The following HOXC5 variants were observed in gnomAD, a reference collection of about 807,000 sequenced individuals.
HOXC5 encodes the protein homeobox protein Hox-C5.
Under a neutral mutation model 20.1 loss-of-function variants are expected in HOXC5, and 19 were observed. The ratio of observed to expected loss-of-function variants is 0.94; its 90% CI spans 0.66 to 1.38. The LOEUF (loss-of-function observed/expected upper bound fraction) is 1.38, where lower values mean the gene tolerates loss of function less well. Among genes scored for constraint, HOXC5 ranks in the 40% most tolerant of loss-of-function variants. The probability of loss-of-function intolerance (pLI) is 0.00; values close to 1 mark genes in which losing one functional copy is unlikely to be tolerated. For synonymous variants in HOXC5, 124 were observed against 117.0 expected (o/e 1.06, Z -0.39); for missense variants, 330 against 300.1 (o/e 1.10, Z -0.74).
chr12:54,033,604 C>T, intron 1 of HOXC5, 28 bp downstream of exon 1: 1 of 1,505,522 alleles, frequency 6.6e-7, no homozygotes, highest in Non-Finnish European at 8.9e-7. Flanking sequence ...ATTTTGCGCT[C>T]TCGGGTCCGC....
chr12:54,029,179 G>A (rs1040935142), upstream of HOXC5, among the ~76,000 whole-genome samples: 1 of 152,210 alleles, frequency 6.6e-6, no homozygotes, highest in African/African-American at 2.4e-5. Flanking sequence ...CAGGGGATGA[G>A]GGGAGGGAGC....
At chr12:54,017,904 C>T in the HOXC5 span, among the ~76,000 whole-genome samples, 1 of 152,158 alleles carries the variant, frequency 6.6e-6, no homozygotes, top group Non-Finnish European at 1.5e-5. Flanking sequence ...CCCTGTCTGG[C>T]AGCCCCCTCC....
At position 54,033,526 on chromosome 12, in the gene HOXC5, C is replaced by CG. The variant is rs1565745577; in HGVS notation, c.406dup (p.Ala136GlyfsTer42). 6.4e-7 allele frequency: 1 copy of CG among 1,561,098 alleles called. No homozygotes were observed. On this transcript the variant is annotated frameshift_variant, in exon 1 of 2. Transcript: ENST00000312492. LOFTEE classifies it high-confidence loss of function. ...CAGCCCGCCGGACTGAGCCAGCCAC[C>CG]GGCCCCGCCACAGATTTACCCGTGG...
At chr12:54,029,006 T>A, upstream of HOXC5, 1 of 1,304,032 alleles carries the variant, frequency 7.7e-7, no homozygotes, top group Non-Finnish European at 1.0e-6. Context: ...GCGGAGAGAG[T>A]TTTTTATGGC....
chr12:54,031,671 C>G (rs184236165), upstream of HOXC5, among the ~76,000 whole-genome samples: 446 of 152,286 alleles, frequency 2.9e-3, no homozygotes, highest in African/African-American at 0.01. Flanking sequence ...CCGGGCCCTT[C>G]AGATTCCCTC....
the HOXC5 span, chr12:54,020,172 A>G: frequency 2.6e-5 from 4 of 152,194 alleles, no homozygotes; most frequent in Non-Finnish European, 5.9e-5. Flanking sequence ...CCTGCAGGAG[A>G]GCCCTTCTGT....
chr12:54,029,750 C>G, upstream of HOXC5: 2 of 1,614,220 alleles, frequency 1.2e-6, no homozygotes, highest in Non-Finnish European at 1.7e-6. Context: ...CAATCGCTAC[C>G]TAACGCGGCG....
At chr12:54,018,626 G>T in the HOXC5 span, among the ~76,000 whole-genome samples, 2 of 152,232 alleles carry the variant, frequency 1.3e-5, no homozygotes, top group East Asian at 1.9e-4. Context: ...ATGTGTTGCA[G>T]TTTGATATAT....
At chr12:54,018,520 AT>A in the HOXC5 span, among the ~76,000 whole-genome samples, 1 of 152,196 alleles carries the variant, frequency 6.6e-6, no homozygotes, top group South Asian at 2.1e-4. Flanking sequence ...GATCTCTCTA[AT>A]AATTGGTGCT....
chr12:54,022,795 G>T, the HOXC5 span, among the ~76,000 whole-genome samples: 1 of 152,162 alleles, frequency 6.6e-6, no homozygotes. Flanking sequence ...TCACTGTGAT[G>T]TCATAATACC....
Position 54,033,310 on chromosome 12 carries a change from T to C in HOXC5, c.188T>C (p.Met63Thr). Residue 63 changes from methionine (M) to threonine (T), a missense_variant, in exon 1 of 2, where the codon ATG becomes ACG. Met to Thr is a moderately conservative substitution (Grantham distance 81). Coordinates refer to ENST00000312492, the MANE Select transcript of HOXC5 (RefSeq NM_018953.4). ...APSNSLHGVDMAANPRAHPDR... is the reference protein window; with the variant it reads ...APSNSLHGVDTAANPRAHPDR... ...TCCAACTCTCTCCACGGGGTAGACA[T>C]GGCTGCCAACCCCCGGGCTCACCCC... The C allele has an allele frequency of 6.8e-6, 11 of 1,614,044 alleles. No homozygotes were observed. The highest frequency in any genetic ancestry group is 8.5e-6 in the Non-Finnish European group (10 of 1,180,000).
the HOXC5 span, among the ~76,000 whole-genome samples, chr12:54,026,786 C>A: frequency 1.4e-4 from 22 of 152,194 alleles, no homozygotes; most frequent in Non-Finnish European, 2.2e-4. Context: ...CCAGGGAAAC[C>A]TTAACGTTAC....
intron 1 of HOXC5, 129 bp from the exon 2 acceptor site, chr12:54,034,149 C>G: frequency 1.1e-6 from 1 of 896,776 alleles, no homozygotes; most frequent in Non-Finnish European, 1.8e-6. Context: ...CTGCGGCCCG[C>G]GTGGCCTGTC....
At chr12:54,025,814 C>T in the HOXC5 span, among the ~76,000 whole-genome samples, 3 of 152,124 alleles carry the variant, frequency 2.0e-5, no homozygotes, top group Non-Finnish European at 2.9e-5. Context: ...AGAATCTCCC[C>T]AACTTTGGGG....
At chr12:54,021,746 C>G in the HOXC5 span, 2 of 152,370 alleles carry the variant, frequency 1.3e-5, no homozygotes, top group African/African-American at 4.8e-5. Context: ...TTGTGCCCCT[C>G]GCCCAGCCCA....
the HOXC5 span, among the ~76,000 whole-genome samples, chr12:54,025,533 G>A: frequency 6.2e-5 from 3 of 48,424 alleles, no homozygotes; most frequent in South Asian, 5.4e-4. Flanking sequence ...TAATTGGGGG[G>A]GGGGGAGGTG....
At chr12:54,020,239 A>G in the HOXC5 span, 1 of 152,228 alleles carries the variant, frequency 6.6e-6, no homozygotes, top group Non-Finnish European at 1.5e-5. Context: ...AGGACTCTGC[A>G]CACCCGGGGC....
At chr12:54,019,527 C>T in the HOXC5 span, among the ~76,000 whole-genome samples, 1 of 152,166 alleles carries the variant, frequency 6.6e-6, no homozygotes, top group Non-Finnish European at 1.5e-5. Flanking sequence ...TCTCTTTCGC[C>T]TGCATTTTGT....
upstream of HOXC5, among the ~76,000 whole-genome samples, chr12:54,032,445 A>G (rs980722544): frequency 6.6e-5 from 10 of 152,326 alleles, no homozygotes; most frequent in East Asian, 1.5e-3. Flanking sequence ...TGGTTTAGGG[A>G]ACCTAAGTTA....
Sources: gnomAD v4.1 joint callset for allele counts (sites outside exome capture counted in the v4.1 genomes callset) on GRCh38, gnomAD v4.1.1 for gene constraint, MANE v1.5 for transcripts, NCBI Gene and HGNC (gene_info 2026-07-23, HGNC 2026-07-21) for gene names.